EREG: variants seen among roughly 807,000 people sequenced by gnomAD.
EREG encodes epiregulin.
Under a neutral mutation model 22.4 loss-of-function variants are expected in EREG, and 23 were observed. The observed-to-expected ratio is 1.03, with a 90% CI of 0.74 to 1.46. The LOEUF is 1.46. Among genes scored for constraint, EREG ranks in the 40% most tolerant of loss-of-function variants. The pLI, the probability that EREG is intolerant of heterozygous loss-of-function variation, is 0.00. For synonymous variants in EREG, 100 were observed against 75.4 expected (o/e 1.33, Z -1.69); for missense variants, 226 against 205.9 (o/e 1.10, Z -0.60).
chr4:74,374,966 C>A (rs1187883369), intron 1 of EREG, among the ~76,000 whole-genome samples: 1 of 152,166 alleles, frequency 6.6e-6, no homozygotes, highest in African/African-American at 2.4e-5. Context: ...AAAGAAGCGC[C>A]AACTGCCAAT....
At chr4:74,374,581 C>A (rs1180034941) in intron 1 of EREG, among the ~76,000 whole-genome samples, 1 of 152,092 alleles carries the variant, frequency 6.6e-6, no homozygotes, top group African/African-American at 2.4e-5. Flanking sequence ...CAAAATAAAC[C>A]GTATGCAATA....
chr4:74,375,528 A>G (rs1752366931), intron 1 of EREG, among the ~76,000 whole-genome samples: 1 of 140,858 alleles, frequency 7.1e-6, no homozygotes, highest in Non-Finnish European at 1.5e-5. Context: ...ACGGGGTTTT[A>G]CCGTGTTAGC....
intron 1 of EREG, among the ~76,000 whole-genome samples, chr4:74,366,278 G>C (rs1752183683): frequency 1.3e-5 from 2 of 152,116 alleles, no homozygotes; most frequent in South Asian, 4.1e-4. Context: ...GTTACCACCA[G>C]TCTCATATTC....
At chr4:74,368,447 TG>T (rs1416300841) in intron 1 of EREG, among the ~76,000 whole-genome samples, 1 of 152,198 alleles carries the variant, frequency 6.6e-6, no homozygotes, top group Non-Finnish European at 1.5e-5. Context: ...TTTTATTCCT[TG>T]TATTCTTTGT....
chr4:74,367,253 G>A (rs79321927), intron 1 of EREG, among the ~76,000 whole-genome samples: 7 of 152,126 alleles, frequency 4.6e-5, no homozygotes, highest in Non-Finnish European at 8.8e-5. Context: ...TGAGGCTCTT[G>A]TTTTATAAAT....
At chr4:74,382,487 A>C (rs972627664) in intron 3 of EREG, 158 bp from the exon 4 acceptor site, 1 of 563,778 alleles carries the variant, frequency 1.8e-6, no homozygotes, top group Non-Finnish European at 3.1e-6. Context: ...TTTTATCATT[A>C]CTGGTCTAAC....
At chr4:74,380,145 A>G (rs1331553788) in intron 2 of EREG, among the ~76,000 whole-genome samples, 1 of 152,144 alleles carries the variant, frequency 6.6e-6, no homozygotes, top group Admixed American at 6.5e-5. Flanking sequence ...AATCAAGATA[A>G]CTGAGTTATT....
At position 74,388,111 on chromosome 4, in the gene EREG, C is replaced by A. The variant is rs181142684; in HGVS notation, c.*3303C>A. The A allele has an allele frequency of 6.6e-6, 1 of 152,232 alleles. No homozygotes were observed. The highest frequency in any genetic ancestry group is 1.9e-4 in the East Asian group (1 of 5,176). The allele number at this position is 152,232 out of a possible 1,614,324, so 9.4% of individuals were successfully genotyped here. ...ATTCAATCACCACCAGGTATCAAAT[C>A]AACTTTTATGCAGCAAATATATGAT... On this transcript the variant is annotated 3_prime_UTR_variant, in exon 5 of 5. Coordinates refer to ENST00000244869, the MANE Select transcript of EREG (RefSeq NM_001432.3).
intron 3 of EREG, 63 bp downstream of exon 3, chr4:74,381,200 A>G: frequency 2.7e-6 from 4 of 1,460,788 alleles, no homozygotes; most frequent in South Asian, 1.2e-5. Flanking sequence ...TTAGGGGTAC[A>G]AGTGCAGATT....
Position 74,365,318 on chromosome 4 carries a change from G to T in EREG, c.10G>T (p.Gly4Trp). Reference protein sequence around the residue: MTAGRRMEMLCAGR... With the variant: MTAWRRMEMLCAGR... ...CCCGCTCCCATCGCCGATGACCGCG[G>T]GGAGGAGGATGGAGATGCTCTGTGC... is the stretch of plus-strand genomic sequence containing the variant. Residue 4 changes from glycine (G) to tryptophan (W), a missense_variant, in exon 1 of 5, where the codon GGG becomes TGG. Coordinates refer to ENST00000244869, the MANE Select transcript of EREG (RefSeq NM_001432.3). 6.2e-7 allele frequency: 1 copy of T among 1,606,016 alleles called. No homozygotes were observed.
At chr4:74,371,462 A>G (rs993164355) in intron 1 of EREG, among the ~76,000 whole-genome samples, 1 of 150,856 alleles carries the variant, frequency 6.6e-6, no homozygotes, top group Non-Finnish European at 1.5e-5. Context: ...TCCTTTTACA[A>G]CTCTACTCTC....
intron 2 of EREG, 24 bp from the exon 3 acceptor site, chr4:74,380,990 T>G: frequency 6.2e-7 from 1 of 1,608,648 alleles, no homozygotes; most frequent in African/African-American, 1.3e-5. Context: ...GCAGAATATA[T>G]TCAACTTTCC....
At chr4:74,381,750 G>A (rs1387315505) in intron 3 of EREG, 5 of 151,854 alleles carry the variant, frequency 3.3e-5, no homozygotes, top group African/African-American at 1.2e-4. Context: ...GCCGAGGCGG[G>A]CGGATCACGG....
At chr4:74,368,531 G>T (rs1354694922) in intron 1 of EREG, among the ~76,000 whole-genome samples, 3 of 152,108 alleles carry the variant, frequency 2.0e-5, no homozygotes, top group African/African-American at 7.2e-5. Context: ...TGTTAACTGT[G>T]AGAACGTAAA....
At position 74,384,967 on chromosome 4, in the gene EREG, AGACT is replaced by A. The variant is rs1193635988; in HGVS notation, c.*160_*163del. 16 of 515,224 alleles carry A rather than the reference AGACT, an allele frequency of 3.1e-5. No individual in the cohort carries two copies. The highest frequency in any genetic ancestry group is 4.7e-4 in the Middle Eastern group (1 of 2,150). The allele number at this position is 515,224 out of a possible 1,614,324, so 31.9% of individuals were successfully genotyped here. ...TTTTTATTTTTGTTTTATTTTTGAC[AGACT>A]ATTTGCTAATGTATAATGTGCAGAA... On this transcript the variant is annotated 3_prime_UTR_variant, in exon 5 of 5. Coordinates refer to ENST00000244869, the MANE Select transcript of EREG (RefSeq NM_001432.3).
intron 3 of EREG, chr4:74,382,052 C>T (rs982771146): frequency 6.8e-6 from 1 of 147,558 alleles, no homozygotes; most frequent in African/African-American, 2.5e-5. Context: ...ACCCTGTAAC[C>T]CCAGCACTTT....
intron 1 of EREG, among the ~76,000 whole-genome samples, chr4:74,370,835 G>A (rs1186145027): frequency 1.3e-5 from 2 of 152,156 alleles, no homozygotes; most frequent in Admixed American, 6.5e-5. Flanking sequence ...CTTGTTCTCT[G>A]TTTTCAGAGA....
chr4:74,371,271 C>T (rs958401623), intron 1 of EREG, among the ~76,000 whole-genome samples: 5 of 152,054 alleles, frequency 3.3e-5, no homozygotes, highest in African/African-American at 1.2e-4. Context: ...GTTACCAAGA[C>T]AAAATTAATT....
intron 3 of EREG, chr4:74,381,984 C>CAAAAAAAAAAAAAA (rs59896791): frequency 2.6e-5 from 1 of 38,106 alleles, no homozygotes; most frequent in African/African-American, 8.3e-5. Context: ...GACTCCGTCT[C>CAAAAAAAAAAAAAA]AAAAAAAAAA....
Sources: gnomAD v4.1 joint callset for allele counts (sites outside exome capture counted in the v4.1 genomes callset) on GRCh38, gnomAD v4.1.1 for gene constraint, MANE v1.5 for transcripts, NCBI Gene and HGNC (gene_info 2026-07-23, HGNC 2026-07-21) for gene names.